Variants in NSD1 observed in about 807,000 individuals in gnomAD.
The protein encoded by NSD1 is nuclear receptor binding SET domain protein 1.
A neutral mutation model predicts 242.7 loss-of-function variants in NSD1; 26 were observed. That is an observed-to-expected ratio of 0.11 (90% CI 0.08 to 0.15). The LOEUF is 0.15. NSD1 is among the 10% of genes least tolerant of loss of function. The pLI is 1.00. For missense variants in NSD1, 2,495 were observed against 3,272.8 expected, an observed-to-expected ratio of 0.76 and a Z score of 5.80; for synonymous variants, 1,106 against 1,178.1, an observed-to-expected ratio of 0.94 and a Z score of 1.25.
chr5:177,222,629 T>C (rs1213416889), intron 5 of NSD1, among the ~76,000 whole-genome samples: 2 of 152,222 alleles, frequency 1.3e-5, no homozygotes, highest in African/African-American at 4.8e-5. Context: ...TTGGGTCATT[T>C]ATGTATTTTA....
chr5:177,257,256 A>G (rs1158332172), intron 13 of NSD1, 105 bp downstream of exon 13: 13 of 950,100 alleles, frequency 1.4e-5, no homozygotes, highest in Non-Finnish European at 1.7e-5. Context: ...TTGGAGACAG[A>G]GTCTCGCTGT....
intron 5 of NSD1, among the ~76,000 whole-genome samples, chr5:177,213,398 A>G (rs1278760476): frequency 6.6e-6 from 1 of 152,214 alleles, no homozygotes; most frequent in Non-Finnish European, 1.5e-5. Context: ...AATCAGTGCG[A>G]TCAATTGTGG....
At chr5:177,172,801 T>G (rs1388274676) in intron 2 of NSD1, among the ~76,000 whole-genome samples, 6 of 151,594 alleles carry the variant, frequency 4.0e-5, no homozygotes, top group Non-Finnish European at 7.4e-5. Context: ...TCTAAAAATT[T>G]TTTTTAAAAA....
At chr5:177,208,613 C>T (rs1763086100) in intron 4 of NSD1, among the ~76,000 whole-genome samples, 1 of 151,336 alleles carries the variant, frequency 6.6e-6, no homozygotes, top group Non-Finnish European at 1.5e-5. Flanking sequence ...CTGGAGCCTC[C>T]ACTTACTGGG....
chr5:177,135,275 C>T lies in NSD1; in HGVS notation c.172C>T (p.Gln58Ter). 1 of 1,613,704 alleles carries T rather than the reference C, an allele frequency of 6.2e-7. No homozygotes were observed. ...GTTATCGACTGTCAGTGGAACATCC[C>T]AAAATGCTTATGGACAAGATTCTCC... ...MQLSTVSGTS[Q>*]NAYGQDSPSC... The change falls in exon 2 of 23, where the codon CAA becomes TAA. Residue 58 changes from glutamine (Q) to a stop codon, truncating the protein, a stop_gained. Transcript: ENST00000439151. LOFTEE classifies it high-confidence loss of function.
chr5:177,136,327 A>T, intron 2 of NSD1: 1 of 240,594 alleles, frequency 4.2e-6, no homozygotes, highest in Non-Finnish European at 8.1e-6. Context: ...TACATATATG[A>T]TTAAAAAAAA....
At chr5:177,262,514 C>G (rs991053564) in intron 14 of NSD1, among the ~76,000 whole-genome samples, 1 of 152,216 alleles carries the variant, frequency 6.6e-6, no homozygotes, top group Non-Finnish European at 1.5e-5. Context: ...AGGCCCAAAT[C>G]ACTAAGCCAA....
At chr5:177,199,625 G>C (rs972453300) in intron 3 of NSD1, among the ~76,000 whole-genome samples, 2 of 126,938 alleles carry the variant, frequency 1.6e-5, no homozygotes, top group Admixed American at 7.5e-5. Flanking sequence ...TTTTGAGATG[G>C]AGTCTCTCTC....
In NSD1 at chr5:177,208,908, G is replaced by T. The variant is rs141112896; in HGVS notation, c.1237-728G>T. Among the ~76,000 whole-genome samples, 220 of 151,936 alleles carry T rather than the reference G, an allele frequency of 1.4e-3. 1 individual carries two copies. The highest frequency in any genetic ancestry group is 4.4e-3 in the African/African-American group (184 of 41,454). On this transcript the variant is annotated intron_variant, in intron 4 of 22. Coordinates refer to ENST00000439151, the MANE Select transcript of NSD1 (RefSeq NM_022455.5). ...ATGGGGTTTGGCGATGTTGGCCAGG[G>T]TTGTCTTGAACTCCTGACCTGAGGT... is the stretch of plus-strand genomic sequence containing the variant.
chr5:177,187,026 C>A (rs530288574), intron 2 of NSD1, among the ~76,000 whole-genome samples: 2 of 150,670 alleles, frequency 1.3e-5, no homozygotes, highest in South Asian at 4.2e-4. Context: ...ATATTTATTT[C>A]TAATGCAAAA....
intron 8 of NSD1, among the ~76,000 whole-genome samples, chr5:177,243,198 C>T (rs76203059): frequency 0.048 from 7,235 of 151,900 alleles, 188 homozygotes; most frequent in South Asian, 0.08. Flanking sequence ...TTCTTTCTTT[C>T]TTTTTTTGAG....
chr5:177,190,231 T>C (rs890233573), intron 2 of NSD1, among the ~76,000 whole-genome samples: 1 of 151,920 alleles, frequency 6.6e-6, no homozygotes, highest in African/African-American at 2.4e-5. Flanking sequence ...TGCTGGAATT[T>C]ATAGGCAAGA....
At position 177,134,446 on chromosome 5, in the gene NSD1, C is replaced by T. The variant is rs1756128877; in HGVS notation, c.-18+494C>T. On this transcript the variant is annotated intron_variant, in intron 1 of 22. Transcript: ENST00000439151. The surrounding 1 kb of genome is among the most constrained non-coding windows in gnomAD (Gnocchi z 4.2). ...AGCTGCTGCTACCCTGACTGGGCTT[C>T]GCTGGCCGCCTCGGTTTCTCCCTCT... Among the ~76,000 whole-genome samples, 1 of 152,170 alleles carries T rather than the reference C, an allele frequency of 6.6e-6. No individual in the cohort carries two copies. The highest frequency in any genetic ancestry group is 1.5e-5 in the Non-Finnish European group (1 of 68,024).
chr5:177,183,203 A>G (rs993576194), intron 2 of NSD1, among the ~76,000 whole-genome samples: 1 of 152,202 alleles, frequency 6.6e-6, no homozygotes, highest in Non-Finnish European at 1.5e-5. Flanking sequence ...ATTGAATACA[A>G]CAAAGCATTC....
chr5:177,156,174 ATTTTTTT>A (rs34417228), intron 2 of NSD1, among the ~76,000 whole-genome samples: 48 of 78,016 alleles, frequency 6.2e-4, no homozygotes, highest in Non-Finnish European at 8.3e-4. Context: ...CTCTTTTCAG[ATTTTTTT>A]TTTTTTTTTT....
rs1401930256 is a variant in NSD1, at chr5:177,238,704, T to C, written c.4192+197T>C. On this transcript the variant is annotated intron_variant, in intron 7 of 22. Transcript: ENST00000439151. This position sits in a 1 kb window ranked among gnomAD's most constrained non-coding sequence, Gnocchi z 4.6. ...ACTGTGGCACACTATCAAGAAGATG[T>C]ATTTTTAATAACTATGCTCCTTGCT... 2.6e-5 allele frequency among the ~76,000 whole-genome samples: 4 copies of C among 152,240 alleles called. No homozygotes were observed. Among genetic ancestry groups the C allele is most frequent in the South Asian group, 2.1e-4 (1 of 4,836 alleles).
intron 6 of NSD1, among the ~76,000 whole-genome samples, chr5:177,236,211 T>G (rs1244607541): frequency 3.9e-5 from 6 of 152,164 alleles, no homozygotes; most frequent in Admixed American, 2.0e-4. Context: ...GATTTAATCT[T>G]AAGTAAAAAT....
chr5:177,139,736 C>T (rs780085401), intron 2 of NSD1, among the ~76,000 whole-genome samples: 13 of 152,086 alleles, frequency 8.5e-5, no homozygotes, highest in Non-Finnish European at 1.8e-4. Context: ...AAAAGGATTG[C>T]TTGGGGCCCA....
chr5:177,158,293 C>CTTTTCTTTTCTTTCT (rs59738936), intron 2 of NSD1, among the ~76,000 whole-genome samples: 14 of 77,746 alleles, frequency 1.8e-4, no homozygotes, highest in African/African-American at 6.0e-4. Context: ...TTCTTTCTTT[C>CTTTTCTTTTCTTTCT]TTTCTTTCTT....
Sources: allele counts gnomAD v4.1 joint callset (sites outside exome capture counted in the v4.1 genomes callset), GRCh38; gene constraint gnomAD v4.1.1; non-coding constraint Gnocchi (gnomAD v3.1); transcripts MANE v1.5; gene names NCBI Gene and HGNC (gene_info 2026-07-23, HGNC 2026-07-21).